The following TMEFF2 variants were observed in gnomAD, a reference collection of about 807,000 sequenced individuals.
TMEFF2 encodes the protein transmembrane protein with EGF like and two follistatin like domains 2, also known as tomoregulin-2.
A neutral mutation model predicts 53.8 loss-of-function variants in TMEFF2; 28 were observed. The observed-to-expected ratio is 0.52, with a 90% CI of 0.39 to 0.71. The LOEUF (loss-of-function observed/expected upper bound fraction) is 0.71, where lower values mean the gene tolerates loss of function less well. TMEFF2 is among the 30% of genes least tolerant of loss of function. The pLI is 0.00. For missense variants in TMEFF2, 353 were observed against 455.2 expected (o/e 0.78, Z 2.04); for synonymous variants, 162 against 166.3 (o/e 0.97, Z 0.20).
intron 4 of TMEFF2, among the ~76,000 whole-genome samples, chr2:192,097,183 C>T (rs1688932986): frequency 6.6e-6 from 1 of 152,222 alleles, no homozygotes; most frequent in Non-Finnish European, 1.5e-5. Context: ...TGCACTTCTA[C>T]ACGTGAAAAG....
intron 7 of TMEFF2, among the ~76,000 whole-genome samples, chr2:191,967,841 G>A (rs1027414142): frequency 6.6e-6 from 1 of 152,066 alleles, no homozygotes; most frequent in Non-Finnish European, 1.5e-5. Context: ...TGCTCTTCCC[G>A]CATCCACTCT....
At chr2:192,151,958 G>GA (rs1343740255) in intron 4 of TMEFF2, among the ~76,000 whole-genome samples, 5 of 151,810 alleles carry the variant, frequency 3.3e-5, no homozygotes, top group African/African-American at 1.2e-4. Flanking sequence ...AATTGTTCAG[G>GA]AACCTTGTGA....
intron 5 of TMEFF2, among the ~76,000 whole-genome samples, chr2:192,026,962 A>G (rs1041300164): frequency 6.6e-6 from 1 of 152,240 alleles, no homozygotes; most frequent in African/African-American, 2.4e-5. Context: ...ATGCAGTCCA[A>G]AATAAAAATA....
rs143544519 is a variant in TMEFF2, at chr2:192,182,831, T to C, written c.412+1523A>G. 5.8e-3 allele frequency among the ~76,000 whole-genome samples: 888 copies of C among 152,114 alleles called. 5 individuals carry two copies. Among genetic ancestry groups the C allele is most frequent in the Non-Finnish European group, 9.4e-3 (641 of 67,934 alleles). On this transcript the variant is annotated intron_variant, in intron 3 of 9. Transcript: ENST00000272771. ...TTTTACTTTTTTTCTATTCAATTTGTCCTAAAGTACTATTTCTCATTTCTT... is the reference window on the plus strand; with the variant it reads ...TTTTACTTTTTTTCTATTCAATTTGCCCTAAAGTACTATTTCTCATTTCTT...
At chr2:192,171,621 TTGGAATATCCCAGACATGCATC>T (rs1559156268) in intron 4 of TMEFF2, among the ~76,000 whole-genome samples, 1 of 152,042 alleles carries the variant, frequency 6.6e-6, no homozygotes, top group Admixed American at 6.6e-5. Context: ...CTTGATGTTC[TTGGAATATCCCAGACATGCATC>T]TGCTTCAGAG....
At position 191,949,819 on chromosome 2, in the gene TMEFF2, A is replaced by G; in HGVS notation, c.*492T>C. The G allele has an allele frequency of 1.0e-6, 1 of 985,542 alleles. No individual in the cohort carries two copies. The highest frequency in any genetic ancestry group is 4.7e-5 in the South Asian group (1 of 21,278). 61.0% of individuals were successfully genotyped at this position (985,542 alleles called of 1,614,324 possible). A position where few individuals can be genotyped will look rare whatever the true frequency, so the allele number is the denominator to read the frequency against. On this transcript the variant is annotated 3_prime_UTR_variant, in exon 10 of 10. Coordinates refer to ENST00000272771, the MANE Select transcript of TMEFF2 (RefSeq NM_016192.4). ...AATATTTTATCCTCACTCGATATAA[A>G]GTAAATTATTTTTTCTCTTTTCCAA...
chr2:192,049,057 G>A (rs1475070032), intron 5 of TMEFF2, among the ~76,000 whole-genome samples: 1 of 152,152 alleles, frequency 6.6e-6, no homozygotes, highest in Non-Finnish European at 1.5e-5. Context: ...TGTGTTAGTG[G>A]TGAATTTCAT....
At chr2:192,178,648 C>A (rs1691110401) in intron 4 of TMEFF2, 1 of 151,190 alleles carries the variant, frequency 6.6e-6, no homozygotes, top group African/African-American at 2.4e-5. Context: ...TTAAGTCTTT[C>A]ATTACATAAG....
chr2:192,067,883 G>T (rs1178884283), intron 4 of TMEFF2, among the ~76,000 whole-genome samples: 4 of 151,696 alleles, frequency 2.6e-5, no homozygotes, highest in Admixed American at 2.6e-4. Flanking sequence ...ATCATACCTT[G>T]CCTAAATTTT....
chr2:192,107,294 C>T (rs1248024269), intron 4 of TMEFF2, among the ~76,000 whole-genome samples: 1 of 151,654 alleles, frequency 6.6e-6, no homozygotes, highest in Non-Finnish European at 1.5e-5. Context: ...GGTGCTTCAG[C>T]ATCACTTACT....
chr2:192,147,308 G>C (rs974672248), intron 4 of TMEFF2, among the ~76,000 whole-genome samples: 3 of 150,986 alleles, frequency 2.0e-5, no homozygotes, highest in Non-Finnish European at 2.9e-5. Flanking sequence ...ATACACTTCA[G>C]TTATCTTCCT....
chr2:192,157,648 CTTAT>C (rs1223256893), intron 4 of TMEFF2, among the ~76,000 whole-genome samples: 5 of 151,788 alleles, frequency 3.3e-5, no homozygotes, highest in African/African-American at 9.7e-5. Context: ...CACTTCTAAG[CTTAT>C]TTATTTGTTT....
At chr2:192,134,030 A>G (rs1689932093) in intron 4 of TMEFF2, among the ~76,000 whole-genome samples, 1 of 152,184 alleles carries the variant, frequency 6.6e-6, no homozygotes, top group South Asian at 2.1e-4. Flanking sequence ...ACTTGACCTT[A>G]CTGTTTTAGC....
chr2:192,081,793 G>A (rs1304706598), intron 4 of TMEFF2, among the ~76,000 whole-genome samples: 7 of 146,754 alleles, frequency 4.8e-5, no homozygotes, highest in African/African-American at 1.8e-4. Flanking sequence ...ATTATTAAAC[G>A]ATTTCCCTTT....
At position 192,145,907 on chromosome 2, in the gene TMEFF2, C is replaced by G. The variant is rs1020819005; in HGVS notation, c.439+33761G>C. Among the ~76,000 whole-genome samples, 7 of 151,788 alleles carry G rather than the reference C, an allele frequency of 4.6e-5. No homozygotes were observed. In the East Asian group the frequency reaches 1.4e-3, roughly 29 times the overall value. ...ATGTGGCACTTCCAGAAGATGAAGC[C>G]CTTTTGAAGACACAAAAAGAAAAAA... On this transcript the variant is annotated intron_variant, in intron 4 of 9. Transcript: ENST00000272771.
At chr2:192,123,648 TTAATG>T (rs1689611550) in intron 4 of TMEFF2, among the ~76,000 whole-genome samples, 1 of 152,230 alleles carries the variant, frequency 6.6e-6, no homozygotes, top group South Asian at 2.1e-4. Flanking sequence ...ATCGGAATCC[TTAATG>T]TAAAGTTTCA....
At chr2:191,964,370 T>TC (rs1692388914) in intron 7 of TMEFF2, among the ~76,000 whole-genome samples, 2 of 74,852 alleles carry the variant, frequency 2.7e-5, no homozygotes, top group Non-Finnish European at 5.4e-5. Flanking sequence ...CTTTCTTTCT[T>TC]TCTCTTTCTT....
At chr2:192,036,796 C>G (rs76070894) in intron 5 of TMEFF2, 1 of 152,204 alleles carries the variant, frequency 6.6e-6, no homozygotes, top group South Asian at 2.1e-4. Flanking sequence ...TTCAACAGAT[C>G]TTTGCATAGC....
intron 5 of TMEFF2, among the ~76,000 whole-genome samples, chr2:192,016,585 T>C (rs1056021970): frequency 2.0e-5 from 3 of 152,224 alleles, no homozygotes; most frequent in African/African-American, 7.2e-5. Context: ...TTTCACACTT[T>C]CATTCATGTT....
Sources: allele counts gnomAD v4.1 joint callset (sites outside exome capture counted in the v4.1 genomes callset), GRCh38; gene constraint gnomAD v4.1.1; transcripts MANE v1.5; gene names NCBI Gene and HGNC (gene_info 2026-07-23, HGNC 2026-07-21).